COL1A2: variants seen among roughly 807,000 people sequenced by gnomAD.
COL1A2 encodes collagen type I alpha 2 chain.
Under a neutral mutation model 174.3 loss-of-function variants are expected in COL1A2, and 49 were observed. The observed-to-expected ratio is 0.28, with a 90% CI of 0.22 to 0.36. COL1A2 has a LOEUF of 0.36. COL1A2 is among the 10% of genes least tolerant of loss of function. The probability of loss-of-function intolerance (pLI) is 1.00; values close to 1 mark genes in which losing one functional copy is unlikely to be tolerated. For missense variants in COL1A2, 1,438 were observed against 1,822.7 expected, an observed-to-expected ratio of 0.79 and a Z score of 3.84; for synonymous variants, 655 against 606.6, an observed-to-expected ratio of 1.08 and a Z score of -1.17.
chr7:94,404,504 C>A, intron 6 of COL1A2, 52 bp from the exon 7 acceptor site: 1 of 1,596,526 alleles, frequency 6.3e-7, no homozygotes, highest in Non-Finnish European at 8.6e-7. Flanking sequence ...CCCCAGCCAA[C>A]ACCATGACAA....
At position 94,409,337 on chromosome 7, in the gene COL1A2, G is replaced by A. The variant is rs368468; in HGVS notation, c.808G>A (p.Val270Ile). Residue 270 changes from valine (V) to isoleucine (I), a missense_variant, in exon 17 of 52, where the codon GTT becomes ATT. Physicochemically the swap from Val to Ile is conservative, Grantham distance 29 (BLOSUM62 3). Around this residue, in one of 3 missense-constraint regions of COL1A2, gnomAD observed 867 missense variants for 1,213.7 expected, o/e 0.71. Transcript: ENST00000297268. ...APGPKGEIGA[V>I]GNAGPAGPAG... ...CCTCTTTTAGGGTGAAATTGGAGCT[G>A]TTGGTAACGCTGGTCCTGCTGGTCC... 2.7e-3 allele frequency: 4,419 copies of A among 1,614,122 alleles called. 7 individuals carry two copies. The highest frequency in any genetic ancestry group is 3.5e-3 in the Non-Finnish European group (4,170 of 1,179,986).
intron 5 of COL1A2, 108 bp downstream of exon 5, chr7:94,400,396 A>C: frequency 2.0e-6 from 2 of 983,362 alleles, no homozygotes; most frequent in Admixed American, 4.0e-5. Flanking sequence ...TTTGAAAATT[A>C]GTATATTTTA....
chr7:94,428,466 G>T lies in COL1A2; in HGVS notation c.3700G>T (p.Ala1234Ser). ...CGTCTGGCTAGGAGAAACTATCAAT[G>T]CTGGCAGCCAGGTGAGGAATCCCAC... Reference protein sequence around the residue: ...KHVWLGETINAGSQFEYNVEG... With the variant: ...KHVWLGETINSGSQFEYNVEG... The change falls in exon 50 of 52, where the codon GCT becomes TCT. Residue 1234 changes from alanine (A) to serine (S), a missense_variant. By Grantham distance (99) the Ala-to-Ser change is moderately conservative (BLOSUM62 1). Coordinates refer to ENST00000297268, the MANE Select transcript of COL1A2 (RefSeq NM_000089.4). 1 of 1,613,808 alleles carries T rather than the reference G, an allele frequency of 6.2e-7. No homozygotes were observed. The highest frequency in any genetic ancestry group is 2.2e-5 in the East Asian group (1 of 44,862).
intron 23 of COL1A2, 25 bp from the exon 24 acceptor site, chr7:94,412,043 A>G: frequency 6.2e-7 from 1 of 1,600,546 alleles, no homozygotes; most frequent in African/African-American, 1.3e-5. Context: ...GTGCCAATAT[A>G]AAAACATCCT....
chr7:94,414,192 A>G (rs761437458), intron 28 of COL1A2, 30 bp from the exon 29 acceptor site: 3 of 1,612,222 alleles, frequency 1.9e-6, no homozygotes, highest in Admixed American at 1.7e-5. Context: ...TAGCCATGGG[A>G]TTGAGATTTG....
At chr7:94,409,194 A>C (rs1791864934) in intron 16 of COL1A2, 128 bp from the exon 17 acceptor site, 8 of 941,154 alleles carry the variant, frequency 8.5e-6, no homozygotes, top group Non-Finnish European at 1.4e-5. Flanking sequence ...CTTGTAATAA[A>C]ACGGATAAGA....
intron 23 of COL1A2, 23 bp downstream of exon 23, chr7:94,411,177 G>A: frequency 6.6e-7 from 1 of 1,514,816 alleles, no homozygotes; most frequent in South Asian, 1.2e-5. Context: ...CTGATTCTGA[G>A]CAAATCACAC....
In COL1A2 at chr7:94,406,283, C is replaced by T; in HGVS notation, c.574C>T (p.Pro192Ser). The T allele has an allele frequency of 6.2e-7, 1 of 1,613,822 alleles. No homozygotes were observed. The highest frequency in any genetic ancestry group is 2.2e-5 in the East Asian group (1 of 44,878). ...HNGLDGLKGQPGAPGVKGEPG... is the reference protein window; with the variant it reads ...HNGLDGLKGQSGAPGVKGEPG... ...TGGTCTGGATGGATTGAAGGGACAG[C>T]CCGGTGCTCCTGGTGTGAAGGTAAA... Residue 192 changes from proline to serine, a missense_variant, in exon 12 of 52, where the codon CCC becomes TCC. Physicochemically the swap from Pro to Ser is moderately conservative, Grantham distance 74. Around this residue, in one of 3 missense-constraint regions of COL1A2, gnomAD observed 281 missense variants for 310.9 expected, o/e 0.90. Coordinates refer to ENST00000297268, the MANE Select transcript of COL1A2 (RefSeq NM_000089.4).
At chr7:94,420,927 C>A in intron 37 of COL1A2, 82 bp from the exon 38 acceptor site, 3 of 1,323,140 alleles carry the variant, frequency 2.3e-6, no homozygotes, top group Non-Finnish European at 3.3e-6. Flanking sequence ...CTAAGAGATG[C>A]GGGAATGATC....
chr7:94,400,293 G>A lies in COL1A2; in HGVS notation c.225+5G>A. 6.2e-7 allele frequency: 1 copy of A among 1,612,518 alleles called. No individual in the cohort carries two copies. Among genetic ancestry groups the A allele is most frequent in the East Asian group, 2.2e-5 (1 of 44,826 alleles). ...GGCCCCCCTGGTCTCGGTGGGGTAAGGTGTCTTACGTATTGCTAACTTTTA... is the reference window on the plus strand; with the variant it reads ...GGCCCCCCTGGTCTCGGTGGGGTAAAGTGTCTTACGTATTGCTAACTTTTA... On this transcript the variant is annotated splice_donor_5th_base_variant and intron_variant, in intron 5 of 51. Coordinates refer to ENST00000297268, the MANE Select transcript of COL1A2 (RefSeq NM_000089.4).
At chr7:94,410,718 A>G (rs1791903222) in intron 21 of COL1A2, among the ~76,000 whole-genome samples, 171 bp from the exon 22 acceptor site, 1 of 152,202 alleles carries the variant, frequency 6.6e-6, no homozygotes, top group Non-Finnish European at 1.5e-5. Context: ...ATGTTGACCT[A>G]CTTTTGCAGG....
rs1377939514 is a variant in COL1A2 at position 94,425,817 on chromosome 7, C to T, written c.2903C>T (p.Pro968Leu). 2 of 1,612,582 alleles carry T rather than the reference C, an allele frequency of 1.2e-6. No individual in the cohort carries two copies. Among genetic ancestry groups the T allele is most frequent in the Non-Finnish European group, 1.7e-6 (2 of 1,179,358 alleles). ...GAAGAPGPHG[P>L]VGPAGKHGNR... ...GCAGGTGCACCTGGTCCTCATGGCC[C>T]CGTGGGTCCTGCTGGCAAACATGGA... The change falls in exon 44 of 52, where the codon CCC becomes CTC. Residue 968 changes from proline (P) to leucine (L), a missense_variant. By Grantham distance (98) the Pro-to-Leu change is moderately conservative. Transcript: ENST00000297268.
In COL1A2 at chr7:94,400,118, A is replaced by C. The variant is rs576980117; in HGVS notation, c.133-78A>C. The C allele has an allele frequency of 3.0e-6, 4 of 1,355,074 alleles. No individual in the cohort carries two copies. The Admixed American group carries it at 6.7e-5, about 23-fold the overall frequency. 83.9% of individuals were successfully genotyped at this position (1,355,074 alleles called of 1,614,324 possible). On this transcript the variant is annotated intron_variant, in intron 4 of 51. Transcript: ENST00000297268. ...TACTTGCACATAGAAAGGTCTGAAC[A>C]ACTGATCTTACCACATATAATTCTT...
chr7:94,425,889 G>A (rs1304142612), intron 44 of COL1A2, 32 bp downstream of exon 44: 1 of 1,605,560 alleles, frequency 6.2e-7, no homozygotes, highest in East Asian at 2.2e-5. Context: ...CCTCAGTGCA[G>A]CATTCTCGTG....
chr7:94,401,325 G>C (rs1791683231), intron 5 of COL1A2, among the ~76,000 whole-genome samples: 1 of 152,130 alleles, frequency 6.6e-6, no homozygotes, highest in Admixed American at 6.5e-5. Flanking sequence ...GGCTCAAAAA[G>C]TAAAGTAGGG....
At position 94,409,585 on chromosome 7, in the gene COL1A2, C is replaced by T; in HGVS notation, c.913C>T (p.Leu305Phe). The T allele has an allele frequency of 6.2e-7, 1 of 1,614,162 alleles. No individual in the cohort carries two copies. Among genetic ancestry groups the T allele is most frequent in the South Asian group, 1.1e-5 (1 of 91,082 alleles). ...GPPGNPGANGLTGAKGAAGLP... is the reference protein window; with the variant it reads ...GPPGNPGANGFTGAKGAAGLP... Reference sequence around the variant, plus strand: ...ATAGGGTAATCCTGGAGCAAACGGCCTTACTGGTGCCAAGGGTGCTGCTGT... The same window carrying T: ...ATAGGGTAATCCTGGAGCAAACGGCTTTACTGGTGCCAAGGGTGCTGCTGT... The change falls in exon 18 of 52, where the codon CTT (leucine) becomes TTT (phenylalanine). Residue 305 changes from leucine to phenylalanine, a missense_variant. Leu to Phe is a conservative substitution (Grantham distance 22). Around this residue, in one of 3 missense-constraint regions of COL1A2, gnomAD observed 867 missense variants for 1,213.7 expected, o/e 0.71. Transcript: ENST00000297268.
chr7:94,404,642 A>G (rs780252659), intron 7 of COL1A2, 42 bp downstream of exon 7: 4 of 1,614,016 alleles, frequency 2.5e-6, no homozygotes, highest in East Asian at 4.5e-5. Flanking sequence ...GTAAAAAGAC[A>G]GAGAATTAAG....
chr7:94,396,943 T>C (rs1791596699), intron 1 of COL1A2, among the ~76,000 whole-genome samples: 1 of 152,186 alleles, frequency 6.6e-6, no homozygotes, highest in African/African-American at 2.4e-5. Flanking sequence ...AGGAGAAGAA[T>C]TCACTCTTTA....
In COL1A2 at chr7:94,428,587, A is replaced by G. The variant is rs1251368061; in HGVS notation, c.3711+110A>G. 11 of 1,058,280 alleles carry G rather than the reference A, an allele frequency of 1.0e-5. No individual in the cohort carries two copies. The East Asian group carries it at 2.8e-4, about 27-fold the overall frequency. 65.6% of individuals were successfully genotyped at this position (1,058,280 alleles called of 1,614,324 possible). A position where few individuals can be genotyped will look rare whatever the true frequency, so the allele number is the denominator to read the frequency against. ...ACAAAAATGGGCTTATTAAAAAAAG[A>G]CCTGTTCCTTTCCTGGGTTCCAATT... On this transcript the variant is annotated intron_variant, in intron 50 of 51. Transcript: ENST00000297268.
Sources: gnomAD v4.1 joint callset for allele counts (sites outside exome capture counted in the v4.1 genomes callset) on GRCh38, gnomAD v4.1.1 for gene constraint, gnomAD v4.1.1 regional missense constraint, MANE v1.5 for transcripts, NCBI Gene and HGNC (gene_info 2026-07-23, HGNC 2026-07-21) for gene names.